The following OXSR1 variants were observed in gnomAD, a reference collection of about 807,000 sequenced individuals.
OXSR1 encodes the protein oxidative stress responsive kinase 1.
A neutral mutation model predicts 79.8 loss-of-function variants in OXSR1; 24 were observed. That is an observed-to-expected ratio of 0.30 (90% confidence interval 0.22 to 0.42). The LOEUF (loss-of-function observed/expected upper bound fraction) is 0.42, where lower values mean the gene tolerates loss of function less well. OXSR1 is among the 10% of genes least tolerant of loss of function. The probability of loss-of-function intolerance (pLI) is 1.00; values close to 1 mark genes in which losing one functional copy is unlikely to be tolerated. For synonymous variants in OXSR1, 226 were observed against 209.2 expected (o/e 1.08, Z -0.69); for missense variants, 430 against 618.4 (o/e 0.70, Z 3.23).
At chr3:38,195,087 T>G (rs1702050662) in intron 3 of OXSR1, among the ~76,000 whole-genome samples, 1 of 152,244 alleles carries the variant, frequency 6.6e-6, no homozygotes, top group Non-Finnish European at 1.5e-5. Flanking sequence ...TTGGGATTTA[T>G]TACTGCAGGA....
At chr3:38,180,659 T>G (rs969879888) in intron 1 of OXSR1, among the ~76,000 whole-genome samples, 1 of 151,402 alleles carries the variant, frequency 6.6e-6, no homozygotes, top group African/African-American at 2.4e-5. Flanking sequence ...GCCTCCCAAG[T>G]AGCTAGGACT....
At chr3:38,216,299 G>A (rs1559516201) in intron 5 of OXSR1, 148 bp downstream of exon 5, 2 of 582,964 alleles carry the variant, frequency 3.4e-6, no homozygotes, top group South Asian at 2.5e-5. Context: ...GGATGCCACC[G>A]ACTCTCAAGA....
chr3:38,211,667 C>T (rs1030998110), intron 4 of OXSR1, among the ~76,000 whole-genome samples: 1 of 152,128 alleles, frequency 6.6e-6, no homozygotes, highest in Non-Finnish European at 1.5e-5. Flanking sequence ...CTTATATCAG[C>T]CCAGTGCCAT....
intron 10 of OXSR1, 192 bp downstream of exon 10, chr3:38,230,622 A>C: frequency 2.0e-6 from 1 of 511,734 alleles, no homozygotes; most frequent in Admixed American, 3.6e-5. Context: ...TTACTCTGCT[A>C]TCTTTTAGGA....
At chr3:38,224,131 A>G (rs554647479) in intron 7 of OXSR1, among the ~76,000 whole-genome samples, 1 of 152,340 alleles carries the variant, frequency 6.6e-6, no homozygotes, top group South Asian at 2.1e-4. Flanking sequence ...TCTTCATTTT[A>G]AAACTGGAAC....
At chr3:38,177,293 G>A (rs1701692381) in intron 1 of OXSR1, among the ~76,000 whole-genome samples, 1 of 152,164 alleles carries the variant, frequency 6.6e-6, no homozygotes, top group Non-Finnish European at 1.5e-5. Context: ...TTTCTTCAGG[G>A]CTTCTATGCA....
intron 5 of OXSR1, among the ~76,000 whole-genome samples, chr3:38,218,933 C>T (rs1478007595): frequency 6.6e-6 from 1 of 152,106 alleles, no homozygotes; most frequent in Non-Finnish European, 1.5e-5. Flanking sequence ...AATCCTGTCA[C>T]ATAATAGGCA....
chr3:38,168,070 A>G (rs2125797597), intron 1 of OXSR1, among the ~76,000 whole-genome samples: 1 of 152,256 alleles, frequency 6.6e-6, no homozygotes, highest in East Asian at 1.9e-4. Flanking sequence ...GTGAGTGGGC[A>G]AAAGGGAGTC....
At position 38,215,440 on chromosome 3, in the gene OXSR1, TA is replaced by T. The variant is rs35964299; in HGVS notation, c.435-647del. 3.3e-5 allele frequency among the ~76,000 whole-genome samples: 5 copies of T among 151,176 alleles called. No individual in the cohort carries two copies. In the East Asian group the frequency reaches 5.8e-4, roughly 17 times the overall value. On this transcript the variant is annotated intron_variant, in intron 4 of 17. Coordinates refer to ENST00000311806, the MANE Select transcript of OXSR1 (RefSeq NM_005109.3). The stretch of plus-strand genomic sequence containing the variant: ...AATTTTGCCAAAAACTTGTTTTTGC[TA>T]AAAAAAAACTAAGTTGTAGATTTGA...
chr3:38,212,112 C>T (rs1702399769), intron 4 of OXSR1, among the ~76,000 whole-genome samples: 1 of 152,144 alleles, frequency 6.6e-6, no homozygotes, highest in Non-Finnish European at 1.5e-5. Context: ...GGCATTGGGA[C>T]TTTTAAAAGT....
chr3:38,190,596 T>A, intron 2 of OXSR1, 135 bp from the exon 3 acceptor site: 1 of 604,296 alleles, frequency 1.7e-6, no homozygotes, highest in Non-Finnish European at 2.9e-6. Flanking sequence ...TTAACCCTTC[T>A]TGAAGAAATC....
At chr3:38,217,543 T>G (rs112221585) in intron 5 of OXSR1, among the ~76,000 whole-genome samples, 18,029 of 151,768 alleles carry the variant, frequency 0.12, 1,199 homozygotes, top group Middle Eastern at 0.27. Flanking sequence ...TTGTTTGTTT[T>G]TTTTGAGACA....
chr3:38,190,067 G>C (rs1452071268), intron 2 of OXSR1, among the ~76,000 whole-genome samples: 2 of 152,166 alleles, frequency 1.3e-5, no homozygotes, highest in African/African-American at 4.8e-5. Context: ...GATGATAGGG[G>C]AAGTGTATTT....
At chr3:38,182,243 GC>G (rs1338095446) in intron 1 of OXSR1, among the ~76,000 whole-genome samples, 1 of 152,178 alleles carries the variant, frequency 6.6e-6, no homozygotes, top group Non-Finnish European at 1.5e-5. Flanking sequence ...TGGGGCCCTG[GC>G]TTTGCTGCTG....
At position 38,254,482 on chromosome 3, in the gene OXSR1, T is replaced by C; in HGVS notation, c.*1591T>C. The C allele has an allele frequency of 2.7e-6, 1 of 377,260 alleles. No homozygotes were observed. 23.4% of individuals were successfully genotyped at this position (377,260 alleles called of 1,614,324 possible). On this transcript the variant is annotated 3_prime_UTR_variant, in exon 18 of 18. Coordinates refer to ENST00000311806, the MANE Select transcript of OXSR1 (RefSeq NM_005109.3). ...GTTAGGAGGAGAGTAGGTGAGATGA[T>C]CAGACACCGGAGTTCAACGTCCCAG... is the stretch of plus-strand genomic sequence containing the variant.
intron 5 of OXSR1, among the ~76,000 whole-genome samples, chr3:38,217,709 TAG>T (rs923064258): frequency 6.6e-6 from 1 of 152,100 alleles, no homozygotes; most frequent in African/African-American, 2.4e-5. Context: ...GTATTTGTAG[TAG>T]AGACAGTGTT....
chr3:38,227,053 A>C (rs1170380908), intron 8 of OXSR1, among the ~76,000 whole-genome samples: 1 of 152,234 alleles, frequency 6.6e-6, no homozygotes, highest in Non-Finnish European at 1.5e-5. Flanking sequence ...AAATTATTAT[A>C]AAACTTTAAG....
chr3:38,219,808 ATGATG>A (rs1317491362), intron 5 of OXSR1, among the ~76,000 whole-genome samples: 1 of 151,612 alleles, frequency 6.6e-6, no homozygotes, highest in East Asian at 1.9e-4. Flanking sequence ...GATGATGATG[ATGATG>A]ATGATGATTT....
intron 4 of OXSR1, among the ~76,000 whole-genome samples, chr3:38,208,588 A>G (rs375596448): frequency 1.5e-4 from 23 of 152,270 alleles, no homozygotes; most frequent in Admixed American, 9.8e-4. Context: ...TTTACCTATC[A>G]TGTATGGAGT....
Sources: gnomAD v4.1 joint callset for allele counts (sites outside exome capture counted in the v4.1 genomes callset) on GRCh38, gnomAD v4.1.1 for gene constraint, MANE v1.5 for transcripts, NCBI Gene and HGNC (gene_info 2026-07-23, HGNC 2026-07-21) for gene names.